Variants in ZNF445 observed in about 807,000 individuals in gnomAD.
ZNF445 encodes the protein zinc finger protein 168.
ZNF445 carries 19 observed loss-of-function variants against 93.9 expected under a neutral mutation model. That is an observed-to-expected ratio of 0.20 (90% CI 0.14 to 0.30). ZNF445 has a LOEUF of 0.30. Ranked by LOEUF, ZNF445 falls within the 10% of genes least tolerant of loss-of-function variation. The pLI is 1.00. For synonymous variants in ZNF445, 449 were observed against 446.3 expected (o/e 1.01, Z -0.08); for missense variants, 1,058 against 1,259.4 (o/e 0.84, Z 2.42).
chr3:44,472,323 G>A (rs1057159897), intron 1 of ZNF445, among the ~76,000 whole-genome samples: 7 of 152,202 alleles, frequency 4.6e-5, no homozygotes, highest in Non-Finnish European at 7.3e-5. Flanking sequence ...CTGCACAAAT[G>A]TCCAAAAGGG....
Position 44,450,458 on chromosome 3 carries a change from A to C in ZNF445, c.809T>G (p.Met270Arg). 1 of 1,614,186 alleles carries C rather than the reference A, an allele frequency of 6.2e-7. No individual in the cohort carries two copies. Residue 270 changes from methionine (M) to arginine (R), a missense_variant, in exon 6 of 8, where the codon ATG becomes AGG. Transcript: ENST00000396077. Reference sequence around the variant, plus strand: ...TATCGATTACTTACCCAGGGAAGCCATGTTCCTATAATTCTCCAGCATCAC... The same window carrying C: ...TATCGATTACTTACCCAGGGAAGCCCTGTTCCTATAATTCTCCAGCATCAC... ...RDVMLENYRNMASLVGPFTKP... is the reference protein window; with the variant it reads ...RDVMLENYRNRASLVGPFTKP...
rs1697663839 is a variant in ZNF445 at position 44,435,711 on chromosome 3, A to C, written c.*10864T>G. The C allele has an allele frequency of 6.6e-6, 1 of 152,158 alleles. No individual in the cohort carries two copies. The highest frequency in any genetic ancestry group is 2.1e-4 in the South Asian group (1 of 4,832). 9.4% of individuals were successfully genotyped at this position (152,158 alleles called of 1,614,324 possible). ...AGGGAACTAGTGTGGGATTCTGCCC[A>C]TTGTTGACTATGTCTATTCTAATTA... On this transcript the variant is annotated 3_prime_UTR_variant, in exon 8 of 8. Coordinates refer to ENST00000396077, the MANE Select transcript of ZNF445 (RefSeq NM_181489.6).
chr3:44,464,771 C>T (rs1698167718), intron 1 of ZNF445, among the ~76,000 whole-genome samples: 1 of 152,104 alleles, frequency 6.6e-6, no homozygotes, highest in Non-Finnish European at 1.5e-5. Flanking sequence ...TCATTTCTGT[C>T]TGATATCCTA....
Position 44,448,089 on chromosome 3 carries a change from A to G in ZNF445, c.1582T>C (p.Cys528Arg), listed in dbSNP as rs1697904501. 1 of 1,613,296 alleles carries G rather than the reference A, an allele frequency of 6.2e-7. No individual in the cohort carries two copies. Among genetic ancestry groups the G allele is most frequent in the African/African-American group, 1.3e-5 (1 of 74,882 alleles). The change falls in exon 8 of 8, where the codon TGT becomes CGT. Residue 528 changes from cysteine to arginine, a missense_variant. Around this residue, in one of 3 missense-constraint regions of ZNF445, gnomAD observed 657 missense variants for 746.4 expected, o/e 0.88. Transcript: ENST00000396077. ...GTGTGAATTTTCTCATGCCGCGCAC[A>G]GTTGGAACTCCACCGGAAGGCTTTC... The part of the protein sequence containing the change: ...CGKAFRWSSN[C>R]ARHEKIHTGV...
chr3:44,455,335 G>A lies in ZNF445; in HGVS notation c.215C>T (p.Thr72Ile). ...ACAGAGTTCCCGGAGCCGGCTCAGA[G>A]TTTCTAGGGGCCCTGAAGACTCATG... ...RYHESSGPLE[T>I]LSRLRELCRW... The change falls in exon 3 of 8, where the codon ACT (threonine) becomes ATT (isoleucine). Residue 72 changes from threonine (T) to isoleucine (I), a missense_variant. Coordinates refer to ENST00000396077, the MANE Select transcript of ZNF445 (RefSeq NM_181489.6). The A allele has an allele frequency of 1.2e-6, 2 of 1,613,986 alleles. No homozygotes were observed. The highest frequency in any genetic ancestry group is 8.5e-7 in the Non-Finnish European group (1 of 1,179,916).
Position 44,432,164 on chromosome 3 carries a change from C to G in ZNF445, c.*14411G>C, listed in dbSNP as rs908597991. ...CCACCTGCCTCAGCCTCCCAAAGTG[C>G]TGAGATTACAGGCGTTGAGCCACCA... is the stretch of plus-strand genomic sequence containing the variant. On this transcript the variant is annotated 3_prime_UTR_variant, in exon 8 of 8. Transcript: ENST00000396077. 5 of 152,150 alleles carry G rather than the reference C, an allele frequency of 3.3e-5. No individual in the cohort carries two copies. The highest frequency in any genetic ancestry group is 9.7e-5 in the African/African-American group (4 of 41,410). 9.4% of individuals were successfully genotyped at this position (152,150 alleles called of 1,614,324 possible).
chr3:44,448,970 G>A (rs1697919179), intron 7 of ZNF445, among the ~76,000 whole-genome samples: 1 of 152,202 alleles, frequency 6.6e-6, no homozygotes, highest in African/African-American at 2.4e-5. Flanking sequence ...GTCACATCCA[G>A]CAGGGAAATA....
chr3:44,477,321 C>T (rs1189521640), intron 1 of ZNF445, among the ~76,000 whole-genome samples: 1 of 152,200 alleles, frequency 6.6e-6, no homozygotes, highest in African/African-American at 2.4e-5. Context: ...CTGATAAATA[C>T]GCTTTATATG....
intron 1 of ZNF445, among the ~76,000 whole-genome samples, chr3:44,477,194 G>T (rs910674265): frequency 1.3e-5 from 2 of 152,190 alleles, no homozygotes; most frequent in African/African-American, 4.8e-5. Context: ...TATATTTATG[G>T]ATGTCAGTGT....
intron 7 of ZNF445, 79 bp downstream of exon 7, chr3:44,449,434 C>T (rs942296912): frequency 2.9e-5 from 34 of 1,173,314 alleles, no homozygotes; most frequent in Non-Finnish European, 3.8e-5. Context: ...GGAGTAAATT[C>T]CCAGTGATGT....
Position 44,448,416 on chromosome 3 carries a change from T to C in ZNF445, c.1255A>G (p.Lys419Glu). Residue 419 changes from lysine to glutamate, a missense_variant, in exon 8 of 8, where the codon AAA becomes GAA. Lys to Glu is a moderately conservative substitution (Grantham distance 56). Coordinates refer to ENST00000396077, the MANE Select transcript of ZNF445 (RefSeq NM_181489.6). The stretch of plus-strand genomic sequence containing the variant: ...TGGTGTGAACTCATTCTGAAGTGTT[T>C]GCCACAGCCATGTTTAAGGGATTCC... ...RKESLKHGCG[K>E]HFRMSSHHYD... is the part of the protein sequence containing the mutation. 6.2e-7 allele frequency: 1 copy of C among 1,614,234 alleles called. No individual in the cohort carries two copies. Among genetic ancestry groups the C allele is most frequent in the South Asian group, 1.1e-5 (1 of 91,076 alleles).
rs150019772 is a variant in ZNF445, at chr3:44,437,055, C to A, written c.*9520G>T. On this transcript the variant is annotated 3_prime_UTR_variant, in exon 8 of 8. Transcript: ENST00000396077. ...GGCTACTCCATAGACAGAGCAGCCC[C>A]GAGGGCTGCTGGTTGTCTATTTTAT... 6.6e-6 allele frequency: 1 copy of A among 152,056 alleles called. No individual in the cohort carries two copies. The highest frequency in any genetic ancestry group is 2.4e-5 in the African/African-American group (1 of 41,396). The allele number at this position is 152,056 out of a possible 1,614,324, so 9.4% of individuals were successfully genotyped here. A position where few individuals can be genotyped will look rare whatever the true frequency, so the allele number is the denominator to read the frequency against.
chr3:44,449,444 T>C, intron 7 of ZNF445, 69 bp downstream of exon 7: 1 of 1,256,290 alleles, frequency 8.0e-7, no homozygotes. Context: ...CCCAGTGATG[T>C]AACTGACCTT....
rs754876279 is a variant in ZNF445 at position 44,447,445 on chromosome 3, A to C, written c.2226T>G (p.Ser742=). 1 of 1,614,214 alleles carries C rather than the reference A, an allele frequency of 6.2e-7. No homozygotes were observed. Among genetic ancestry groups the C allele is most frequent in the Non-Finnish European group, 8.5e-7 (1 of 1,180,038 alleles). ...AMKRKPEGGP[S]FSQDTVFQVP... ...CCTGGAACACTGTGTCCTGACTAAA[A>C]GATGGCCCGCCCTCAGGTTTTCTTT... is the stretch of plus-strand genomic sequence containing the variant. The change falls in exon 8 of 8, where the codon TCT becomes TCG. Residue 742 remains serine (S), a synonymous_variant. Coordinates refer to ENST00000396077, the MANE Select transcript of ZNF445 (RefSeq NM_181489.6). This position sits in a 1 kb window ranked among gnomAD's most constrained non-coding sequence, Gnocchi z 4.7.
chr3:44,458,827 A>G (rs1471130390), intron 1 of ZNF445, among the ~76,000 whole-genome samples: 1 of 152,186 alleles, frequency 6.6e-6, no homozygotes, highest in East Asian at 1.9e-4. Flanking sequence ...ATTGTAGGTC[A>G]TAAGATGCCC....
At chr3:44,468,703 CACAAG>C (rs1349852279) in intron 1 of ZNF445, among the ~76,000 whole-genome samples, 1 of 145,370 alleles carries the variant, frequency 6.9e-6, no homozygotes, top group East Asian at 2.1e-4. Flanking sequence ...GCTGACTCAG[CACAAG>C]ACGACAGCTG....
At position 44,447,055 on chromosome 3, in the gene ZNF445, T is replaced by C. The variant is rs770543823; in HGVS notation, c.2616A>G (p.Leu872=). The C allele has an allele frequency of 2.0e-5, 33 of 1,614,092 alleles. No homozygotes were observed. The highest frequency in any genetic ancestry group is 8.8e-5 in the South Asian group (8 of 91,088). The stretch of plus-strand genomic sequence containing the variant: ...AGTTTCTATCATAAGATTTCCCACA[T>C]AGATTACATTTATAGCGCTTCTCTC... The part of the protein sequence containing the change: ...HSGEKRYKCN[L]CGKSYDRNYR... The change falls in exon 8 of 8, where the codon CTA becomes CTG. Residue 872 remains leucine (L), a synonymous_variant. Coordinates refer to ENST00000396077, the MANE Select transcript of ZNF445 (RefSeq NM_181489.6). This position sits in a 1 kb window ranked among gnomAD's most constrained non-coding sequence, Gnocchi z 4.7.
rs1301188999 is a variant in ZNF445, at chr3:44,445,445, GC to G, written c.*1129del. On this transcript the variant is annotated 3_prime_UTR_variant, in exon 8 of 8. Transcript: ENST00000396077. ...CCTGCCTCCCTCTGAGCCAGCTCAA[GC>G]CCCCGTAATGACCCATGATGCTCAT... is the stretch of plus-strand genomic sequence containing the variant. 6.6e-6 allele frequency: 1 copy of G among 152,218 alleles called. No individual in the cohort carries two copies. Among genetic ancestry groups the G allele is most frequent in the Non-Finnish European group, 1.5e-5 (1 of 68,130 alleles). The allele number at this position is 152,218 out of a possible 1,614,324, so 9.4% of individuals were successfully genotyped here.
chr3:44,474,451 T>C (rs148205099), intron 1 of ZNF445, among the ~76,000 whole-genome samples: 1,901 of 151,660 alleles, frequency 0.013, 21 homozygotes, highest in Admixed American at 0.025. Flanking sequence ...GAGGCGGAGG[T>C]TGCGGTGAGC....
Sources: allele counts gnomAD v4.1 joint callset (sites outside exome capture counted in the v4.1 genomes callset), GRCh38; gene constraint gnomAD v4.1.1; regional missense constraint gnomAD v4.1.1; non-coding constraint Gnocchi (gnomAD v3.1); transcripts MANE v1.5; gene names NCBI Gene and HGNC (gene_info 2026-07-23, HGNC 2026-07-21).